FAM227B: variants seen among roughly 807,000 people sequenced by gnomAD.
The protein encoded by FAM227B is family with sequence similarity 227 member B, also known as protein FAM227B.
A neutral mutation model predicts 73.8 loss-of-function variants in FAM227B; 88 were observed. That is an observed-to-expected ratio of 1.19 (90% CI 1.00 to 1.42). The LOEUF is 1.42. Ranked by LOEUF, FAM227B falls within the 40% of genes most tolerant of loss-of-function variation. The pLI is 0.00. For synonymous variants in FAM227B, 210 were observed against 190.5 expected (o/e 1.10, Z -0.84); for missense variants, 632 against 590.9 (o/e 1.07, Z -0.72).
intron 11 of FAM227B, among the ~76,000 whole-genome samples, chr15:49,503,846 A>G (rs1241732028): frequency 6.6e-6 from 1 of 152,214 alleles, no homozygotes; most frequent in Non-Finnish European, 1.5e-5. Context: ...AACTAGTTCA[A>G]CCATTGTGGA....
intron 9 of FAM227B, among the ~76,000 whole-genome samples, chr15:49,544,800 T>A (rs945856769): frequency 1.3e-5 from 2 of 152,214 alleles, no homozygotes; most frequent in Non-Finnish European, 2.9e-5. Context: ...ATGTATCACA[T>A]TTATTGACAT....
chr15:49,517,917 T>C (rs2059494696), intron 10 of FAM227B, among the ~76,000 whole-genome samples: 1 of 152,180 alleles, frequency 6.6e-6, no homozygotes, highest in African/African-American at 2.4e-5. Context: ...TTTTTCTTTT[T>C]GTTTAACTAA....
chr15:49,358,929 C>T (rs1243824515), intron 13 of FAM227B, among the ~76,000 whole-genome samples: 33 of 144,158 alleles, frequency 2.3e-4, no homozygotes, highest in African/African-American at 6.3e-4. Context: ...TCAGAAATAA[C>T]GCCGCATATC....
At chr15:49,528,331 G>A (rs1392552677) in intron 10 of FAM227B, among the ~76,000 whole-genome samples, 2 of 151,584 alleles carry the variant, frequency 1.3e-5, no homozygotes, top group East Asian at 1.9e-4. Flanking sequence ...ATCTCTCATC[G>A]TATGCAAAAA....
intron 11 of FAM227B, among the ~76,000 whole-genome samples, chr15:49,479,814 A>G (rs2055756336): frequency 6.6e-6 from 1 of 151,996 alleles, no homozygotes; most frequent in Non-Finnish European, 1.5e-5. Context: ...GGGTTTCACC[A>G]TATTTGCCAG....
chr15:49,502,429 G>A (rs2058219845), intron 11 of FAM227B, among the ~76,000 whole-genome samples: 1 of 152,252 alleles, frequency 6.6e-6, no homozygotes, highest in South Asian at 2.1e-4. Context: ...AAAGTCAAAG[G>A]AGGTTATTTT....
intron 11 of FAM227B, among the ~76,000 whole-genome samples, chr15:49,392,349 T>A (rs1236189746): frequency 1.3e-5 from 2 of 152,128 alleles, no homozygotes. Flanking sequence ...AAATAATTGG[T>A]GCCACTATAC....
chr15:49,595,217 A>G lies in FAM227B; in HGVS notation c.106-5210T>C, dbSNP rs575152749. The stretch of plus-strand genomic sequence containing the variant: ...AATTTAATTTAATTAATTGTAAAAG[A>G]GGTGGAGTTCCTGATTTGATTCTCA... On this transcript the variant is annotated intron_variant, in intron 3 of 15. Transcript: ENST00000299338. Among the ~76,000 whole-genome samples the G allele has an allele frequency of 1.3e-5, 2 of 151,972 alleles. 1 individual carries two copies. Among genetic ancestry groups the G allele is most frequent in the South Asian group, 4.1e-4 (2 of 4,826 alleles).
At chr15:49,406,578 C>A (rs576160926) in intron 11 of FAM227B, among the ~76,000 whole-genome samples, 1 of 145,886 alleles carries the variant, frequency 6.9e-6, no homozygotes, top group African/African-American at 2.5e-5. Flanking sequence ...GGGTGCTGGC[C>A]GGGGTGGGGC....
chr15:49,615,035 G>C, intron 2 of FAM227B, 86 bp downstream of exon 2: 1 of 1,246,380 alleles, frequency 8.0e-7, no homozygotes, highest in Non-Finnish European at 1.2e-6. Flanking sequence ...GACAAAGCCA[G>C]CTCTACCTGG....
intron 8 of FAM227B, among the ~76,000 whole-genome samples, chr15:49,573,400 T>C (rs1328571842): frequency 6.6e-6 from 1 of 152,206 alleles, no homozygotes; most frequent in Non-Finnish European, 1.5e-5. Context: ...TCTGCTGTTA[T>C]TGGGAGGTGC....
chr15:49,535,088 G>C (rs2060909994), intron 10 of FAM227B, among the ~76,000 whole-genome samples: 1 of 151,034 alleles, frequency 6.6e-6, no homozygotes, highest in Non-Finnish European at 1.5e-5. Flanking sequence ...ACAAAAAACA[G>C]AACAGAAACA....
At position 49,568,241 on chromosome 15, in the gene FAM227B, T is replaced by C; in HGVS notation, c.747+4A>G. The C allele has an allele frequency of 1.3e-6, 2 of 1,599,470 alleles. No individual in the cohort carries two copies. The highest frequency in any genetic ancestry group is 1.7e-6 in the Non-Finnish European group (2 of 1,171,844). On this transcript the variant is annotated splice_donor_region_variant and intron_variant, in intron 9 of 15. Transcript: ENST00000299338. ...TTAGCATAACTGTTAATTTCAATGC[T>C]TACCTGAAAAAATGCATCCTTTCGA...
rs767130682 is a variant in FAM227B at position 49,327,974 on chromosome 15, C to T, written c.*594G>A. ...TAGGAAGTTTGGGGCTCAAGGGTCA[C>T]GACTTACTGGAGCAGGATGGGGAGG... On this transcript the variant is annotated 3_prime_UTR_variant, in exon 16 of 16. Coordinates refer to ENST00000299338, the MANE Select transcript of FAM227B (RefSeq NM_152647.3). 23 of 1,613,238 alleles carry T rather than the reference C, an allele frequency of 1.4e-5. No homozygotes were observed. The highest frequency in any genetic ancestry group is 4.5e-5 in the East Asian group (2 of 44,882).
intron 11 of FAM227B, among the ~76,000 whole-genome samples, chr15:49,482,034 T>C (rs971194584): frequency 4.6e-5 from 7 of 152,156 alleles, no homozygotes; most frequent in Non-Finnish European, 7.4e-5. Context: ...ATTAGTTTTT[T>C]CTTTAAGTCA....
intron 10 of FAM227B, among the ~76,000 whole-genome samples, chr15:49,516,294 C>T (rs924192695): frequency 1.3e-5 from 2 of 152,194 alleles, no homozygotes; most frequent in East Asian, 3.9e-4. Flanking sequence ...TGTAGGGCAA[C>T]TTCTCTTTTA....
In FAM227B at chr15:49,369,200, G is replaced by A. The variant is rs555480579; in HGVS notation, c.1111-1592C>T. On this transcript the variant is annotated intron_variant, in intron 12 of 15. Transcript: ENST00000299338. ...TTTTGATCTCCTGACCTCGAGATCC[G>A]CCCACCTCGGCCTCCCAAAGTGCTG... Among the ~76,000 whole-genome samples, 176 of 152,034 alleles carry A rather than the reference G, an allele frequency of 1.2e-3. 5 individuals carry two copies. In the South Asian group the frequency reaches 0.028, roughly 24 times the overall value.
chr15:49,378,356 G>C (rs979090627), intron 11 of FAM227B, among the ~76,000 whole-genome samples: 3 of 151,762 alleles, frequency 2.0e-5, no homozygotes, highest in African/African-American at 7.3e-5. Context: ...TTGGTATTTT[G>C]ATAGGGATAG....
chr15:49,359,781 C>G (rs1015645149), intron 13 of FAM227B, among the ~76,000 whole-genome samples: 3 of 135,084 alleles, frequency 2.2e-5, no homozygotes, highest in African/African-American at 8.4e-5. Context: ...TATAAAGACA[C>G]ATGCACATGT....
Sources: gnomAD v4.1 joint callset for allele counts (sites outside exome capture counted in the v4.1 genomes callset) on GRCh38, gnomAD v4.1.1 for gene constraint, MANE v1.5 for transcripts, NCBI Gene and HGNC (gene_info 2026-07-23, HGNC 2026-07-21) for gene names.